Variants in UGT1A6 observed in about 807,000 individuals in gnomAD.
UGT1A6 encodes UDP glucuronosyltransferase family 1 member A6.
In UGT1A6, 32 loss-of-function variants were observed where a neutral mutation model predicts 44.4. That is an observed-to-expected ratio of 0.72 (90% CI 0.54 to 0.97). The LOEUF is 0.97. Among genes scored for constraint, UGT1A6 ranks in the 50% least tolerant of loss-of-function variants. The pLI is 0.00. For missense variants in UGT1A6, 685 were observed against 661.9 expected (o/e 1.03, Z -0.38); for synonymous variants, 238 against 248.5 (o/e 0.96, Z 0.40).
In UGT1A6 at chr2:233,693,205, G is replaced by C. The variant is rs764136609; in HGVS notation, c.201G>C (p.Leu67Phe). 3 of 1,614,010 alleles carry C rather than the reference G, an allele frequency of 1.9e-6. No individual in the cohort carries two copies. Among genetic ancestry groups the C allele is most frequent in the African/African-American group, 1.3e-5 (1 of 74,916 alleles). ...TGGTGCCTGAAGTTAATTTGCTTTT[G>C]AAAGAATCCAAATACTACACAAGAA... ...VVVVPEVNLL[L>F]KESKYYTRKI... The change falls in exon 1 of 5, where the codon TTG becomes TTC. Residue 67 changes from leucine (L) to phenylalanine (F), a missense_variant. Coordinates refer to ENST00000305139, the MANE Select transcript of UGT1A6 (RefSeq NM_001072.4).
At chr2:233,723,515 T>C (rs1475684057) in intron 1 of UGT1A6, among the ~76,000 whole-genome samples, 1,226 of 106,738 alleles carry the variant, frequency 0.011, 61 homozygotes, top group African/African-American at 0.052. Flanking sequence ...TGGTCAACAA[T>C]CTTTTTTTTT....
rs1367323954 is a variant in UGT1A6, at chr2:233,708,042, G to A, written c.861+14177G>A. ...TAGTTCTTTGGCAGTTATAGATATT[G>A]CAAATATCTTCCCCCACTCTGCATC... is the stretch of plus-strand genomic sequence containing the variant. On this transcript the variant is annotated intron_variant, in intron 1 of 4. Transcript: ENST00000305139. Among the ~76,000 whole-genome samples, 5 of 152,100 alleles carry A rather than the reference G, an allele frequency of 3.3e-5. No homozygotes were observed. The South Asian group carries it at 6.2e-4, about 19-fold the overall frequency.
At chr2:233,751,684 G>T (rs1056105452) in intron 1 of UGT1A6, among the ~76,000 whole-genome samples, 7 of 152,138 alleles carry the variant, frequency 4.6e-5, no homozygotes, top group Non-Finnish European at 1.0e-4. Flanking sequence ...AGAGCTGATG[G>T]TTTTATAAGG....
At chr2:233,705,132 G>A (rs1332682546) in intron 1 of UGT1A6, among the ~76,000 whole-genome samples, 13 of 103,146 alleles carry the variant, frequency 1.3e-4, no homozygotes, top group Non-Finnish European at 2.0e-4. Flanking sequence ...GCGAGACTTC[G>A]TCTGAAAAAA....
At chr2:233,731,679 T>G (rs2078190648) in intron 1 of UGT1A6, among the ~76,000 whole-genome samples, 1 of 152,262 alleles carries the variant, frequency 6.6e-6, no homozygotes, top group East Asian at 1.9e-4. Flanking sequence ...TAATCCAGTC[T>G]ATCATTGATG....
At position 233,747,709 on chromosome 2, in the gene UGT1A6, C is replaced by G. The variant is rs1194057066; in HGVS notation, c.862-19325C>G. On this transcript the variant is annotated intron_variant, in intron 1 of 4. Transcript: ENST00000305139. ...GGGGCAGTGCTGGCTAAGTACCTAT[C>G]AATTCCTGCTGTGTTTTTTTTGAGG... 13 of 1,612,750 alleles carry G rather than the reference C, an allele frequency of 8.1e-6. No individual in the cohort carries two copies. The African/African-American group carries it at 1.5e-4, about 18-fold the overall frequency.
chr2:233,755,510 G>C (rs1695945720), intron 1 of UGT1A6: 1 of 163,962 alleles, frequency 6.1e-6, no homozygotes, highest in Non-Finnish European at 1.3e-5. Flanking sequence ...ACCAGGCCCC[G>C]CCCACTCCGG....
At chr2:233,759,897 C>T (rs1697281775) in intron 1 of UGT1A6, among the ~76,000 whole-genome samples, 1 of 152,134 alleles carries the variant, frequency 6.6e-6, no homozygotes, top group Non-Finnish European at 1.5e-5. Flanking sequence ...TTCTAAAAGG[C>T]TTTCTAAAAA....
intron 1 of UGT1A6, among the ~76,000 whole-genome samples, chr2:233,716,167 C>T (rs747584906): frequency 6.6e-6 from 1 of 152,132 alleles, no homozygotes; most frequent in African/African-American, 2.4e-5. Flanking sequence ...AGATGCAGTG[C>T]AGCATCTTCA....
intron 1 of UGT1A6, among the ~76,000 whole-genome samples, chr2:233,744,866 G>A (rs1299036461): frequency 1.3e-4 from 20 of 151,914 alleles, no homozygotes; most frequent in Non-Finnish European, 1.5e-4. Context: ...TATTCTGAAG[G>A]GATTAGTTTA....
intron 1 of UGT1A6, chr2:233,755,317 G>T: frequency 3.8e-6 from 2 of 525,706 alleles, no homozygotes; most frequent in Non-Finnish European, 6.2e-6. Flanking sequence ...CGAGCGGCAA[G>T]GCTGCCAGCA....
intron 1 of UGT1A6, among the ~76,000 whole-genome samples, chr2:233,706,893 G>A (rs2075929501): frequency 6.6e-6 from 1 of 152,182 alleles, no homozygotes; most frequent in South Asian, 2.1e-4. Context: ...CTGGTTGGAG[G>A]CATTTTACAA....
At chr2:233,696,513 C>T (rs2075347301) in intron 1 of UGT1A6, among the ~76,000 whole-genome samples, 1 of 152,168 alleles carries the variant, frequency 6.6e-6, no homozygotes, top group Non-Finnish European at 1.5e-5. Context: ...TCAGTTCTAA[C>T]AGCTTTTGGG....
chr2:233,700,253 C>T (rs2125582223), intron 1 of UGT1A6, among the ~76,000 whole-genome samples: 1 of 152,296 alleles, frequency 6.6e-6, no homozygotes, highest in South Asian at 2.1e-4. Context: ...CCCAAAATGC[C>T]AAGTCATTCT....
chr2:233,768,183 A>T (rs753962326), intron 3 of UGT1A6, 37 bp from the exon 4 acceptor site: 2 of 1,614,004 alleles, frequency 1.2e-6, no homozygotes, highest in Admixed American at 3.3e-5. Context: ...AAACTCAGAG[A>T]TGTAACTGCT....
At chr2:233,752,726 CAGAG>C in intron 1 of UGT1A6, among the ~76,000 whole-genome samples, 1 of 152,282 alleles carries the variant, frequency 6.6e-6, no homozygotes, top group East Asian at 1.9e-4. Context: ...GCAACAGCTA[CAGAG>C]AGAGACCCTG....
intron 1 of UGT1A6, among the ~76,000 whole-genome samples, chr2:233,746,736 T>A (rs1693464828): frequency 6.6e-6 from 1 of 151,854 alleles, no homozygotes; most frequent in African/African-American, 2.4e-5. Flanking sequence ...GATTCTGCTT[T>A]GGTTCCAAAG....
chr2:233,704,004 C>T, intron 1 of UGT1A6, among the ~76,000 whole-genome samples: 1 of 152,074 alleles, frequency 6.6e-6, no homozygotes, highest in East Asian at 1.9e-4. Flanking sequence ...AGTTCTCCCA[C>T]CTCAGCCGCC....
intron 1 of UGT1A6, chr2:233,713,265 C>T: frequency 6.2e-7 from 1 of 1,614,232 alleles, no homozygotes; most frequent in Non-Finnish European, 8.5e-7. Flanking sequence ...ATTTGATCGC[C>T]TTTTGCTGGG....
Sources: allele counts gnomAD v4.1 joint callset (sites outside exome capture counted in the v4.1 genomes callset), GRCh38; gene constraint gnomAD v4.1.1; transcripts MANE v1.5; gene names NCBI Gene and HGNC (gene_info 2026-07-23, HGNC 2026-07-21).